MSRB2: variants seen among roughly 807,000 people sequenced by gnomAD.
The protein encoded by MSRB2 is methionine-R-sulfoxide reductase B2, mitochondrial.
MSRB2 carries 17 observed loss-of-function variants against 19.0 expected under a neutral mutation model. The observed-to-expected ratio is 0.89, with a 90% CI of 0.61 to 1.34. MSRB2 has a LOEUF of 1.34. Among genes scored for constraint, MSRB2 ranks in the 40% most tolerant of loss-of-function variants. The pLI, the probability that MSRB2 is intolerant of heterozygous loss-of-function variation, is 0.00. For synonymous variants in MSRB2, 107 were observed against 99.7 expected (o/e 1.07, Z -0.44); for missense variants, 208 against 237.6 (o/e 0.88, Z 0.82).
In MSRB2 at chr10:23,110,307, T is replaced by C. The variant is rs1297087232; in HGVS notation, c.285T>C (p.Ser95=). ...AGMYHCVCCD[S]PLFSSEKKYC... ...TGTATCATTGCGTGTGCTGCGACAG[T>C]CCACTCTTCAGGTAAGATAAAGAAT... The change falls in exon 3 of 5, where the codon AGT becomes AGC. Residue 95 remains serine, a synonymous_variant. Coordinates refer to ENST00000376510, the MANE Select transcript of MSRB2 (RefSeq NM_012228.4). 1 of 1,613,656 alleles carries C rather than the reference T, an allele frequency of 6.2e-7. No individual in the cohort carries two copies. Among genetic ancestry groups the C allele is most frequent in the Admixed American group, 1.7e-5 (1 of 59,994 alleles).
chr10:23,111,648 C>T (rs1247761338), intron 3 of MSRB2, among the ~76,000 whole-genome samples: 1 of 152,150 alleles, frequency 6.6e-6, no homozygotes, highest in Non-Finnish European at 1.5e-5. Context: ...GGTCCTGAGT[C>T]CAGAGCAGAA....
chr10:23,096,352 C>CTCTGCGTGTGTGTGTGTGTGTGTGTG (rs144653384), intron 1 of MSRB2, among the ~76,000 whole-genome samples: 12 of 142,750 alleles, frequency 8.4e-5, no homozygotes, highest in African/African-American at 3.0e-4. Flanking sequence ...CTCTCTCTCT[C>CTCTGCGTGTGTGTGTGTGTGTGTGTG]TGTGTGTGTG....
At chr10:23,118,193 G>A (rs1273847548) in intron 3 of MSRB2, among the ~76,000 whole-genome samples, 1 of 152,160 alleles carries the variant, frequency 6.6e-6, no homozygotes, top group Non-Finnish European at 1.5e-5. Context: ...GGGGACATGA[G>A]GGGTGCCGAG....
At chr10:23,104,279 T>G in intron 2 of MSRB2, 35 bp downstream of exon 2, 1 of 1,594,348 alleles carries the variant, frequency 6.3e-7, no homozygotes, top group Non-Finnish European at 8.6e-7. Context: ...TCTGATTGCA[T>G]GTGTTGGCAG....
Position 23,110,223 on chromosome 10 carries a change from A to G in MSRB2, c.220-19A>G. On this transcript the variant is annotated intron_variant, in intron 2 of 4. Transcript: ENST00000376510. The stretch of plus-strand genomic sequence containing the variant: ...GTAGTATGAGAAATCTGAACATGAC[A>G]TATCTAATTTACTTTCAGCCTTTCA... 6.3e-7 allele frequency: 1 copy of G among 1,597,772 alleles called. No individual in the cohort carries two copies. The highest frequency in any genetic ancestry group is 8.6e-7 in the Non-Finnish European group (1 of 1,165,404).
intron 2 of MSRB2, among the ~76,000 whole-genome samples, chr10:23,108,396 C>A (rs933114563): frequency 6.6e-6 from 1 of 151,802 alleles, no homozygotes; most frequent in Non-Finnish European, 1.5e-5. Context: ...AAAGGCTTTT[C>A]TAGATCAGCC....
intron 1 of MSRB2, 79 bp downstream of exon 1, chr10:23,095,805 G>A (rs1415474354): frequency 2.1e-6 from 2 of 959,114 alleles, no homozygotes; most frequent in Non-Finnish European, 2.7e-6. Flanking sequence ...GGGAGCCTAG[G>A]GCCGGTCCAG....
At chr10:23,107,778 G>T (rs1839999589) in intron 2 of MSRB2, among the ~76,000 whole-genome samples, 1 of 152,132 alleles carries the variant, frequency 6.6e-6, no homozygotes, top group South Asian at 2.1e-4. Flanking sequence ...AGCTCAGCCT[G>T]GGTTTATATT....
intron 3 of MSRB2, among the ~76,000 whole-genome samples, chr10:23,115,097 C>T (rs1292223864): frequency 6.6e-6 from 1 of 152,094 alleles, no homozygotes; most frequent in African/African-American, 2.4e-5. Flanking sequence ...GTTTGGTGCA[C>T]AGTTTTGGAG....
intron 1 of MSRB2, among the ~76,000 whole-genome samples, chr10:23,101,241 T>C (rs1839923734): frequency 6.6e-6 from 1 of 152,202 alleles, no homozygotes; most frequent in Admixed American, 6.5e-5. Context: ...CTCCCACTTA[T>C]GAATGAGAAC....
chr10:23,097,896 G>A (rs1403981463), intron 1 of MSRB2, among the ~76,000 whole-genome samples: 1 of 152,138 alleles, frequency 6.6e-6, no homozygotes, highest in African/African-American at 2.4e-5. Context: ...GAGAGAGAGG[G>A]AGACATTGGG....
chr10:23,098,448 T>C (rs1839890929), intron 1 of MSRB2, among the ~76,000 whole-genome samples: 1 of 152,190 alleles, frequency 6.6e-6, no homozygotes, highest in South Asian at 2.1e-4. Flanking sequence ...TCCAAGGAAT[T>C]TGAGTTTATT....
Position 23,120,993 on chromosome 10 carries a change from C to T in MSRB2, c.*131C>T. 1.5e-6 allele frequency: 1 copy of T among 659,958 alleles called. No homozygotes were observed. The highest frequency in any genetic ancestry group is 2.6e-6 in the Non-Finnish European group (1 of 381,428). 40.9% of individuals were successfully genotyped at this position (659,958 alleles called of 1,614,324 possible). A position where few individuals can be genotyped will look rare whatever the true frequency, so the allele number is the denominator to read the frequency against. ...TGCTGCTGTCTCCAGCGAGTCATTG[C>T]TTCTCTTAATTTATTTACCTGGAAT... On this transcript the variant is annotated 3_prime_UTR_variant, in exon 5 of 5. Transcript: ENST00000376510.
chr10:23,101,202 T>C (rs1194252464), intron 1 of MSRB2, among the ~76,000 whole-genome samples: 1 of 152,194 alleles, frequency 6.6e-6, no homozygotes, highest in Admixed American at 6.5e-5. Flanking sequence ...ATTGTATCAT[T>C]CTTATGCCTT....
rs771460050 is a variant in MSRB2 at position 23,095,710 on chromosome 10, G to A, written c.102G>A (p.Pro34=). ...GCGGCGGCGGGCCCGGCACCGGGCC[G>A]GGACTGGGGGAGGCAGGTAGGACGC... ...QAGGGGPGTG[P]GLGEAGSLAT... is the part of the protein sequence containing the mutation. Residue 34 remains proline, a synonymous_variant, in exon 1 of 5, where the codon CCG becomes CCA. Transcript: ENST00000376510. 3.1e-6 allele frequency: 4 copies of A among 1,279,616 alleles called. No individual in the cohort carries two copies. In the African/African-American group the frequency reaches 4.7e-5, roughly 15 times the overall value. 79.3% of individuals were successfully genotyped at this position (1,279,616 alleles called of 1,614,324 possible).
intron 2 of MSRB2, among the ~76,000 whole-genome samples, chr10:23,107,175 T>C (rs1430253205): frequency 6.6e-6 from 1 of 152,250 alleles, no homozygotes; most frequent in Non-Finnish European, 1.5e-5. Flanking sequence ...CCATTCCAGC[T>C]CATTCTTTAC....
intron 1 of MSRB2, among the ~76,000 whole-genome samples, chr10:23,101,762 G>C (rs1050380443): frequency 6.6e-6 from 1 of 152,184 alleles, no homozygotes; most frequent in Admixed American, 6.5e-5. Flanking sequence ...CCAGGTGGGG[G>C]ATTTTCTCCA....
intron 3 of MSRB2, chr10:23,119,045 G>C: frequency 1.7e-6 from 1 of 594,086 alleles, no homozygotes; most frequent in South Asian, 1.5e-5. Context: ...TGTGTTTTTA[G>C]ATCCTTGTTG....
intron 3 of MSRB2, among the ~76,000 whole-genome samples, chr10:23,117,403 T>C (rs1476667144): frequency 6.6e-6 from 1 of 152,180 alleles, no homozygotes; most frequent in Non-Finnish European, 1.5e-5. Context: ...GAGGCACATA[T>C]GAAGATTCAG....
Sources: gnomAD v4.1 joint callset for allele counts (sites outside exome capture counted in the v4.1 genomes callset) on GRCh38, gnomAD v4.1.1 for gene constraint, MANE v1.5 for transcripts, NCBI Gene and HGNC (gene_info 2026-07-23, HGNC 2026-07-21) for gene names.